The following BBS9 variants were observed in gnomAD, a reference collection of about 807,000 sequenced individuals.
The protein encoded by BBS9 is Bardet-Biedl syndrome 9, also known as protein PTHB1.
A neutral mutation model predicts 117.7 loss-of-function variants in BBS9; 89 were observed. The ratio of observed to expected loss-of-function variants is 0.76; its 90% CI spans 0.64 to 0.90. The LOEUF (loss-of-function observed/expected upper bound fraction) is 0.90, where lower values mean the gene tolerates loss of function less well. BBS9 is among the 40% of genes least tolerant of loss of function. BBS9 has a pLI of 0.00. For synonymous variants in BBS9, 379 were observed against 370.9 expected (o/e 1.02, Z -0.25); for missense variants, 982 against 1,042.2 (o/e 0.94, Z 0.80).
At chr7:33,245,911 T>C (rs1194736624) in intron 5 of BBS9, among the ~76,000 whole-genome samples, 1 of 152,170 alleles carries the variant, frequency 6.6e-6, no homozygotes, top group Non-Finnish European at 1.5e-5. Context: ...GGGAGTACTA[T>C]GTTCATTTAG....
intron 5 of BBS9, among the ~76,000 whole-genome samples, chr7:33,196,372 C>T (rs1175590004): frequency 1.3e-5 from 2 of 152,126 alleles, no homozygotes; most frequent in African/African-American, 4.8e-5. Flanking sequence ...AGAGGCTGTG[C>T]TTCCCAAAGC....
chr7:33,329,759 T>G (rs1305835551), intron 9 of BBS9, among the ~76,000 whole-genome samples: 2 of 152,252 alleles, frequency 1.3e-5, no homozygotes, highest in African/African-American at 2.4e-5. Flanking sequence ...TGTCTCCGTG[T>G]ACCTTCTCTA....
At chr7:33,581,155 T>G (rs1366240659) in intron 21 of BBS9, among the ~76,000 whole-genome samples, 1 of 152,016 alleles carries the variant, frequency 6.6e-6, no homozygotes, top group East Asian at 1.9e-4. Context: ...TGTTTTTTTT[T>G]GTTCTAAAAT....
In BBS9 at chr7:33,432,822, A is replaced by G. The variant is rs185652708; in HGVS notation, c.2115+44678A>G. 1.3e-3 allele frequency among the ~76,000 whole-genome samples: 203 copies of G among 151,442 alleles called. 2 individuals are homozygous for G. The highest frequency in any genetic ancestry group is 3.4e-3 in the Middle Eastern group (1 of 292). On this transcript the variant is annotated intron_variant, in intron 19 of 22. Transcript: ENST00000242067. ...CAAGGTATTTTCCCTCATTTGTATC[A>G]TATTTGGAACGTTATGCCCTAAAAG... is the stretch of plus-strand genomic sequence containing the variant.
intron 17 of BBS9, among the ~76,000 whole-genome samples, chr7:33,372,365 A>G (rs1823035174): frequency 6.6e-6 from 1 of 152,088 alleles, no homozygotes; most frequent in South Asian, 2.1e-4. Context: ...TCATGAAAGG[A>G]TGTTGAATTT....
At chr7:33,229,683 A>C (rs1208012867) in intron 5 of BBS9, among the ~76,000 whole-genome samples, 1 of 152,150 alleles carries the variant, frequency 6.6e-6, no homozygotes, top group Non-Finnish European at 1.5e-5. Context: ...TGTTGTTTCC[A>C]TATCATGGCT....
intron 19 of BBS9, among the ~76,000 whole-genome samples, chr7:33,441,944 T>G (rs1028012663): frequency 1.2e-4 from 18 of 150,454 alleles, no homozygotes; most frequent in African/African-American, 4.4e-4. Flanking sequence ...CAGGCCAGAG[T>G]GCAATGGCAT....
At chr7:33,451,747 G>T (rs1837905726) in intron 19 of BBS9, among the ~76,000 whole-genome samples, 1 of 152,084 alleles carries the variant, frequency 6.6e-6, no homozygotes, top group Admixed American at 6.5e-5. Flanking sequence ...ATTTTGATAG[G>T]GATTTTAGTA....
chr7:33,404,826 T>C (rs1829620580), intron 19 of BBS9, among the ~76,000 whole-genome samples: 1 of 152,184 alleles, frequency 6.6e-6, no homozygotes, highest in South Asian at 2.1e-4. Flanking sequence ...CCTAATTGAA[T>C]ACCCTTTATT....
rs1207317949 is a variant in BBS9, at chr7:33,351,231, C to G, written c.1445C>G (p.Thr482Ser). The change falls in exon 14 of 23, where the codon ACT (threonine) becomes AGT (serine). Residue 482 changes from threonine to serine, a missense_variant. Physicochemically the swap from Thr to Ser is moderately conservative, Grantham distance 58 (BLOSUM62 1). Transcript: ENST00000242067. The stretch of plus-strand genomic sequence containing the variant: ...ACATTGCTTATAGCACCAGATTTGA[C>G]TAGAACAGTAAGCTTTTCTGTTTAT... ...FTFEFMTPDL[T>S]RTVSFSVYLK... 6.2e-7 allele frequency: 1 copy of G among 1,605,376 alleles called. No homozygotes were observed. Among genetic ancestry groups the G allele is most frequent in the Non-Finnish European group, 8.5e-7 (1 of 1,172,282 alleles).
chr7:33,516,892 A>G (rs1847894188), intron 20 of BBS9, among the ~76,000 whole-genome samples: 1 of 152,228 alleles, frequency 6.6e-6, no homozygotes, highest in African/African-American at 2.4e-5. Context: ...ACAACAATGA[A>G]TAAGAATTTG....
At chr7:33,543,067 A>G (rs1208229126) in intron 21 of BBS9, among the ~76,000 whole-genome samples, 1 of 152,170 alleles carries the variant, frequency 6.6e-6, no homozygotes, top group African/African-American at 2.4e-5. Context: ...ACTAGTTTAC[A>G]TTCCCACCAG....
intron 19 of BBS9, among the ~76,000 whole-genome samples, chr7:33,504,426 CT>C (rs1373712183): frequency 6.6e-6 from 1 of 152,154 alleles, no homozygotes; most frequent in Non-Finnish European, 1.5e-5. Context: ...GTACATTGTA[CT>C]TGTTTGAATG....
At chr7:33,448,476 A>G (rs562066542) in intron 19 of BBS9, among the ~76,000 whole-genome samples, 8 of 152,314 alleles carry the variant, frequency 5.3e-5, no homozygotes, top group African/African-American at 1.9e-4. Context: ...GAATCTTATT[A>G]TACTTAATCT....
chr7:33,403,257 CTAATACT>C (rs1467144885), intron 19 of BBS9, among the ~76,000 whole-genome samples: 1 of 150,350 alleles, frequency 6.7e-6, no homozygotes, highest in Non-Finnish European at 1.5e-5. Context: ...TCTCCCCACT[CTAATACT>C]CCCAGTACCA....
At chr7:33,152,467 A>G (rs1313847834) in intron 2 of BBS9, among the ~76,000 whole-genome samples, 1 of 152,196 alleles carries the variant, frequency 6.6e-6, no homozygotes, top group African/African-American at 2.4e-5. Flanking sequence ...GAAAAAATGC[A>G]ATATGTTAGT....
intron 3 of BBS9, among the ~76,000 whole-genome samples, chr7:33,155,424 G>A (rs1026046322): frequency 6.6e-6 from 1 of 152,156 alleles, no homozygotes; most frequent in African/African-American, 2.4e-5. Context: ...CAATCTGAAG[G>A]CAGTGCCTTG....
At chr7:33,553,168 T>C (rs182374372) in intron 21 of BBS9, among the ~76,000 whole-genome samples, 1 of 152,238 alleles carries the variant, frequency 6.6e-6, no homozygotes, top group East Asian at 1.9e-4. Context: ...ATGTCTTCTG[T>C]GACCCCTATT....
chr7:33,567,914 C>G (rs1430070884), intron 21 of BBS9, among the ~76,000 whole-genome samples: 1 of 152,202 alleles, frequency 6.6e-6, no homozygotes, highest in Non-Finnish European at 1.5e-5. Context: ...TGAACCATAT[C>G]TCTCTGTCCC....
Sources: gnomAD v4.1 joint callset for allele counts (sites outside exome capture counted in the v4.1 genomes callset) on GRCh38, gnomAD v4.1.1 for gene constraint, MANE v1.5 for transcripts, NCBI Gene and HGNC (gene_info 2026-07-23, HGNC 2026-07-21) for gene names.